Variants in EXOC6 observed in about 807,000 individuals in gnomAD.
EXOC6 encodes the protein exocyst complex component 6, also known as SEC15-like 1.
EXOC6 carries 60 observed loss-of-function variants against 112.5 expected under a neutral mutation model. That is an observed-to-expected ratio of 0.53 (90% confidence interval 0.43 to 0.66). The LOEUF is 0.66. Ranked by LOEUF, EXOC6 falls within the 30% of genes least tolerant of loss-of-function variation. The pLI, the probability that EXOC6 is intolerant of heterozygous loss-of-function variation, is 0.00. For synonymous variants in EXOC6, 295 were observed against 308.0 expected, an observed-to-expected ratio of 0.96 and a Z score of 0.44; for missense variants, 855 against 957.1, an observed-to-expected ratio of 0.89 and a Z score of 1.41.
intron 5 of EXOC6, among the ~76,000 whole-genome samples, chr10:92,908,405 A>G (rs530385148): frequency 2.0e-4 from 30 of 152,006 alleles, no homozygotes; most frequent in Middle Eastern, 3.4e-3. Flanking sequence ...GTTTCTATCA[A>G]CTTACTTTGT....
intron 7 of EXOC6, 38 bp downstream of exon 7, chr10:92,915,951 A>C: frequency 7.1e-7 from 1 of 1,411,098 alleles, no homozygotes. Flanking sequence ...TTATTAGATA[A>C]TTTTTTTTCT....
intron 6 of EXOC6, among the ~76,000 whole-genome samples, chr10:92,912,136 C>G (rs1441453274): frequency 6.6e-6 from 1 of 151,468 alleles, no homozygotes; most frequent in Non-Finnish European, 1.5e-5. Flanking sequence ...GTGCTTAATT[C>G]CGTGATCTCG....
At chr10:92,848,750 C>T (rs1284774343) in intron 1 of EXOC6, 116 bp downstream of exon 1, 2 of 855,520 alleles carry the variant, frequency 2.3e-6, no homozygotes, top group Non-Finnish European at 1.5e-6. Flanking sequence ...AGGTGGTGCG[C>T]GCGGGGGCGG....
intron 19 of EXOC6, among the ~76,000 whole-genome samples, chr10:93,002,130 G>A (rs1425616652): frequency 6.6e-6 from 1 of 152,010 alleles, no homozygotes; most frequent in Non-Finnish European, 1.5e-5. Flanking sequence ...TTATCTCTGT[G>A]TATTCCTCCC....
chr10:93,035,026 G>A (rs1179047666), intron 20 of EXOC6, among the ~76,000 whole-genome samples: 1 of 152,196 alleles, frequency 6.6e-6, no homozygotes, highest in Non-Finnish European at 1.5e-5. Flanking sequence ...AAATTCATTT[G>A]AAGTGCCAAA....
chr10:92,848,436 C>T, upstream of EXOC6: 2 of 823,206 alleles, frequency 2.4e-6, no homozygotes, highest in Non-Finnish European at 3.0e-6. Flanking sequence ...CCCGAGCGCC[C>T]CGCCCCCGCC....
intron 1 of EXOC6, among the ~76,000 whole-genome samples, chr10:92,886,938 A>G (rs1031677841): frequency 2.0e-5 from 3 of 152,194 alleles, no homozygotes; most frequent in Admixed American, 6.5e-5. Flanking sequence ...TTAATACATA[A>G]TAAGTACTTG....
At chr10:92,834,991 C>T (rs1846620345) in intron 1 of EXOC6, among the ~76,000 whole-genome samples, 2 of 152,148 alleles carry the variant, frequency 1.3e-5, no homozygotes, top group South Asian at 4.1e-4. Context: ...GATTACAGGA[C>T]ATAATTAATC....
intron 1 of EXOC6, among the ~76,000 whole-genome samples, chr10:92,869,595 C>G (rs189978225): frequency 6.6e-6 from 1 of 152,140 alleles, no homozygotes; most frequent in Non-Finnish European, 1.5e-5. Context: ...TAGATGTGAG[C>G]CACCGTGCCT....
chr10:92,878,468 C>T (rs180685057), intron 1 of EXOC6, among the ~76,000 whole-genome samples: 42 of 152,226 alleles, frequency 2.8e-4, no homozygotes, highest in Admixed American at 1.4e-3. Flanking sequence ...TTCCGCATGC[C>T]CAGTGCCCTC....
Position 92,837,134 on chromosome 10 carries a change from AC to A in EXOC6, c.86+2311del, listed in dbSNP as rs1241949758. ...CACACACACACACACACACACACAC[AC>A]AAGCCAGAACAAATGCTCTGAATTC... On this transcript the variant is annotated intron_variant, in intron 1 of 21. Coordinates refer to the EXOC6 transcript ENST00000371552. Among the ~76,000 whole-genome samples, 24 of 151,726 alleles carry A rather than the reference AC, an allele frequency of 1.6e-4. 1 individual carries two copies. The highest frequency in any genetic ancestry group is 1.5e-3 in the East Asian group (8 of 5,162).
intron 13 of EXOC6, among the ~76,000 whole-genome samples, chr10:92,947,333 G>T (rs1449827414): frequency 1.3e-5 from 2 of 152,142 alleles, no homozygotes; most frequent in African/African-American, 4.8e-5. Context: ...GCTCATAAAG[G>T]CTTTAAACTC....
intron 1 of EXOC6, among the ~76,000 whole-genome samples, chr10:92,891,893 A>G (rs1849521717): frequency 6.6e-6 from 1 of 152,226 alleles, no homozygotes; most frequent in South Asian, 2.1e-4. Context: ...TTTATGGTCT[A>G]TTTGGGGAAA....
chr10:93,000,244 C>G lies in EXOC6; in HGVS notation c.2095+2629C>G, dbSNP rs887783666. 3.3e-5 allele frequency among the ~76,000 whole-genome samples: 5 copies of G among 152,062 alleles called. No homozygotes were observed. In the South Asian group the frequency reaches 6.2e-4, roughly 19 times the overall value. On this transcript the variant is annotated intron_variant, in intron 19 of 21. Coordinates refer to ENST00000260762, the MANE Select transcript of EXOC6 (RefSeq NM_019053.6). ...TGTCTTCTAAATTAAATTTATTGCT[C>G]AAAGATGGAAATTACTGTTTGATTA...
At position 92,914,712 on chromosome 10, in the gene EXOC6, T is replaced by C. The variant is rs1850987275; in HGVS notation, c.664-1046T>C. ...AGAGAGGAGCCAGATTACTGCAACT[T>C]GCATGGTCTGATAACCTAAGTGTAG... On this transcript the variant is annotated intron_variant, in intron 6 of 21. Transcript: ENST00000260762. Among the ~76,000 whole-genome samples, 3 of 152,104 alleles carry C rather than the reference T, an allele frequency of 2.0e-5. No homozygotes were observed. In the South Asian group the frequency reaches 6.2e-4, roughly 32 times the overall value.
chr10:92,975,825 C>T (rs1244141969), intron 18 of EXOC6, among the ~76,000 whole-genome samples: 2 of 140,066 alleles, frequency 1.4e-5, no homozygotes, highest in Admixed American at 7.0e-5. Flanking sequence ...CCAGCCGCCC[C>T]GTCCGGGAGG....
intron 12 of EXOC6, among the ~76,000 whole-genome samples, chr10:92,937,501 A>G (rs1852410757): frequency 6.6e-6 from 1 of 152,154 alleles, no homozygotes; most frequent in African/African-American, 2.4e-5. Flanking sequence ...ATAGTTTTCT[A>G]CTTTATTCTT....
At chr10:93,003,672 C>T (rs1247503452) in intron 19 of EXOC6, among the ~76,000 whole-genome samples, 1 of 152,134 alleles carries the variant, frequency 6.6e-6, no homozygotes, top group Non-Finnish European at 1.5e-5. Flanking sequence ...ATTTCATAGT[C>T]TGGCTGGGTA....
rs1296253171 is a variant in EXOC6 at position 93,056,933 on chromosome 10, C to G, written c.2179C>G (p.Leu727Val). ...AFIDLRQLLD[L>V]FMVWDWSTYL... ...CCCCCATCTTTCGCAGCTCCTTGAC[C>G]TGTTTATGGTTTGGGATTGGTCTAC... The change falls in exon 21 of 22, where the codon CTG (leucine) becomes GTG (valine). Residue 727 changes from leucine to valine, a missense_variant. Physicochemically the swap from Leu to Val is conservative, Grantham distance 32. This residue lies in a region of EXOC6 where 450 missense variants were observed against 563.5 expected (regional missense o/e 0.80). Coordinates refer to ENST00000260762, the MANE Select transcript of EXOC6 (RefSeq NM_019053.6). The G allele has an allele frequency of 6.3e-7, 1 of 1,590,960 alleles. No individual in the cohort carries two copies. Among genetic ancestry groups the G allele is most frequent in the East Asian group, 2.3e-5 (1 of 44,078 alleles).
Sources: gnomAD v4.1 joint callset for allele counts (sites outside exome capture counted in the v4.1 genomes callset) on GRCh38, gnomAD v4.1.1 for gene constraint, gnomAD v4.1.1 regional missense constraint, MANE v1.5 for transcripts, NCBI Gene and HGNC (gene_info 2026-07-23, HGNC 2026-07-21) for gene names.